RALGAPB: variants seen among roughly 807,000 people sequenced by gnomAD.
RALGAPB encodes Ral GTPase activating protein non-catalytic subunit beta.
A neutral mutation model predicts 161.1 loss-of-function variants in RALGAPB; 25 were observed. The ratio of observed to expected loss-of-function variants is 0.16; its 90% CI spans 0.11 to 0.22. The LOEUF is 0.22. Ranked by LOEUF, RALGAPB falls within the 10% of genes least tolerant of loss-of-function variation. The probability of loss-of-function intolerance (pLI) is 1.00; values close to 1 mark genes in which losing one functional copy is unlikely to be tolerated. For synonymous variants in RALGAPB, 629 were observed against 626.1 expected (o/e 1.00, Z -0.07); for missense variants, 1,391 against 1,815.2 (o/e 0.77, Z 4.25).
chr20:38,502,170 T>G (rs2085615349), intron 5 of RALGAPB, among the ~76,000 whole-genome samples: 1 of 152,222 alleles, frequency 6.6e-6, no homozygotes, highest in African/African-American at 2.4e-5. Flanking sequence ...TTCCTGTTGC[T>G]ATTGCAATGA....
rs2088504372 is a variant in RALGAPB, at chr20:38,578,089, G to A, written c.*3122G>A. 6.6e-6 allele frequency: 1 copy of A among 152,158 alleles called. No homozygotes were observed. The highest frequency in any genetic ancestry group is 1.5e-5 in the Non-Finnish European group (1 of 68,026). The allele number at this position is 152,158 out of a possible 1,614,324, so 9.4% of individuals were successfully genotyped here. ...AATAATAAAAAAAGAAACATGTATT[G>A]GAGGTAATTTGACACTGCTGCTGGC... On this transcript the variant is annotated 3_prime_UTR_variant, in exon 30 of 30. Coordinates refer to ENST00000262879, the MANE Select transcript of RALGAPB (RefSeq NM_020336.4).
At chr20:38,533,787 A>G (rs924489453) in intron 15 of RALGAPB, among the ~76,000 whole-genome samples, 1 of 152,198 alleles carries the variant, frequency 6.6e-6, no homozygotes, top group Non-Finnish European at 1.5e-5. Flanking sequence ...AGATTTAGGT[A>G]TTCTATAGGT....
chr20:38,503,459 C>T (rs552699604), intron 5 of RALGAPB, among the ~76,000 whole-genome samples: 6 of 152,076 alleles, frequency 3.9e-5, no homozygotes, highest in Non-Finnish European at 8.8e-5. Context: ...GAAGTCACTG[C>T]AGATGAGGTG....
intron 14 of RALGAPB, among the ~76,000 whole-genome samples, chr20:38,532,389 C>T (rs376729089): frequency 5.3e-5 from 8 of 152,060 alleles, no homozygotes; most frequent in Admixed American, 3.3e-4. Context: ...TATTTCTGTT[C>T]TGAGGTTTTG....
rs187448653 is a variant in RALGAPB at position 38,477,570 on chromosome 20, C to G, written c.-31+4501C>G. Reference sequence around the variant, plus strand: ...CCTTATGGGGTCAATGGGACTGCAACAGCAATATGAATCATGAGGTTATAT... The same window carrying G: ...CCTTATGGGGTCAATGGGACTGCAAGAGCAATATGAATCATGAGGTTATAT... On this transcript the variant is annotated intron_variant, in intron 1 of 29. Coordinates refer to ENST00000262879, the MANE Select transcript of RALGAPB (RefSeq NM_020336.4). 3.9e-5 allele frequency among the ~76,000 whole-genome samples: 6 copies of G among 152,150 alleles called. No individual in the cohort carries two copies. The East Asian group carries it at 1.2e-3, about 29-fold the overall frequency.
At chr20:38,528,046 C>A (rs576808248) in intron 13 of RALGAPB, among the ~76,000 whole-genome samples, 2 of 152,172 alleles carry the variant, frequency 1.3e-5, no homozygotes, top group African/African-American at 4.8e-5. Flanking sequence ...AAGCCCCAGA[C>A]TGTGTGGCTT....
In RALGAPB at chr20:38,516,173, C is replaced by A. The variant is rs769519616; in HGVS notation, c.873-19C>A. The stretch of plus-strand genomic sequence containing the variant: ...GAAATTTCTAAATTTGTGATTAATT[C>A]TTTCCTCTCTTTTAATAGTAATCCT... On this transcript the variant is annotated intron_variant, in intron 6 of 29. Transcript: ENST00000262879. 3.7e-5 allele frequency: 57 copies of A among 1,530,226 alleles called. No homozygotes were observed. Among genetic ancestry groups the A allele is most frequent in the Non-Finnish European group, 1.9e-5 (21 of 1,127,184 alleles). The allele number at this position is 1,530,226 out of a possible 1,614,324, so 94.8% of individuals were successfully genotyped here.
intron 9 of RALGAPB, among the ~76,000 whole-genome samples, chr20:38,518,674 G>T (rs2086203521): frequency 6.6e-6 from 1 of 152,066 alleles, no homozygotes; most frequent in African/African-American, 2.4e-5. Flanking sequence ...GATGGGTGGG[G>T]TAGGGCACAA....
intron 19 of RALGAPB, among the ~76,000 whole-genome samples, chr20:38,548,277 T>G (rs2087242081): frequency 1.3e-5 from 2 of 152,184 alleles, no homozygotes; most frequent in African/African-American, 2.4e-5. Context: ...CAGTCTGTCT[T>G]TCTACACTTA....
intron 1 of RALGAPB, among the ~76,000 whole-genome samples, chr20:38,475,399 A>G (rs2084774917): frequency 6.6e-6 from 1 of 152,190 alleles, no homozygotes; most frequent in Non-Finnish European, 1.5e-5. Context: ...CCCATTTGCC[A>G]TATTTACAAG....
chr20:38,530,797 A>T (rs1163654919), intron 13 of RALGAPB, among the ~76,000 whole-genome samples: 1 of 150,784 alleles, frequency 6.6e-6, no homozygotes, highest in African/African-American at 2.4e-5. Context: ...GGGTTTCACC[A>T]TGTTGACCAG....
In RALGAPB at chr20:38,560,604, T is replaced by G. The variant is rs567077364; in HGVS notation, c.3532-1928T>G. Among the ~76,000 whole-genome samples, 5 of 152,306 alleles carry G rather than the reference T, an allele frequency of 3.3e-5. No individual in the cohort carries two copies. In the South Asian group the frequency reaches 1.0e-3, roughly 32 times the overall value. ...TGGATTAATTATGGAGGTGGGGATC[T>G]GTTTTGCAGCAAATCAGTGCATTGT... On this transcript the variant is annotated intron_variant, in intron 23 of 29. Coordinates refer to ENST00000262879, the MANE Select transcript of RALGAPB (RefSeq NM_020336.4).
intron 22 of RALGAPB, 71 bp downstream of exon 22, chr20:38,554,147 T>C (rs765438158): frequency 4.3e-5 from 59 of 1,373,120 alleles, no homozygotes; most frequent in Non-Finnish European, 5.6e-5. Flanking sequence ...GCTAAAATAT[T>C]TTTATCAGGA....
chr20:38,515,534 C>G (rs2086099022), intron 6 of RALGAPB, among the ~76,000 whole-genome samples: 1 of 152,026 alleles, frequency 6.6e-6, no homozygotes, highest in South Asian at 2.1e-4. Context: ...GTAATTCAAA[C>G]ACAAATACAC....
chr20:38,497,618 T>C (rs1327800159), intron 4 of RALGAPB, 102 bp downstream of exon 4: 1 of 1,288,226 alleles, frequency 7.8e-7, no homozygotes, highest in Non-Finnish European at 1.1e-6. Flanking sequence ...AATTTTGGCA[T>C]GATGGTTTAC....
In RALGAPB at chr20:38,520,524, C is replaced by CTTTT. The variant is rs775371608; in HGVS notation, c.1418-954_1418-951dup. On this transcript the variant is annotated intron_variant, in intron 9 of 29. Coordinates refer to ENST00000262879, the MANE Select transcript of RALGAPB (RefSeq NM_020336.4). Reference sequence around the variant, plus strand: ...GGACTTTGCACTAACTGTGTTTTGGCTTTTTTTTTTTTTTTTTTTTTTAAA... The same window carrying CTTTT: ...GGACTTTGCACTAACTGTGTTTTGGCTTTTTTTTTTTTTTTTTTTTTTTTTTAAA... 2.3e-3 allele frequency among the ~76,000 whole-genome samples: 159 copies of CTTTT among 70,274 alleles called. 1 individual carries two copies. Among genetic ancestry groups the CTTTT allele is most frequent in the African/African-American group, 6.3e-3 (109 of 17,364 alleles). The allele number at this position is 70,274 out of a possible 152,430, so 46.1% of individuals were successfully genotyped here. A position where few individuals can be genotyped will look rare whatever the true frequency, so the allele number is the denominator to read the frequency against.
chr20:38,497,697 A>G (rs894126773), intron 4 of RALGAPB, among the ~76,000 whole-genome samples, 181 bp downstream of exon 4: 8 of 152,144 alleles, frequency 5.3e-5, no homozygotes, highest in Non-Finnish European at 1.2e-4. Context: ...TGATGAAGTT[A>G]TTTTACCTTC....
chr20:38,491,719 A>G (rs1264229183), intron 2 of RALGAPB, among the ~76,000 whole-genome samples: 4 of 152,156 alleles, frequency 2.6e-5, no homozygotes, highest in Non-Finnish European at 4.4e-5. Flanking sequence ...TACAGTAAGG[A>G]TAGTTTACCC....
intron 6 of RALGAPB, among the ~76,000 whole-genome samples, chr20:38,510,896 C>T (rs955043395): frequency 3.5e-5 from 4 of 114,794 alleles, no homozygotes; most frequent in Non-Finnish European, 6.2e-5. Flanking sequence ...GGCGACAGAG[C>T]GAGACTCCGT....
Sources: allele counts gnomAD v4.1 joint callset (sites outside exome capture counted in the v4.1 genomes callset), GRCh38; gene constraint gnomAD v4.1.1; transcripts MANE v1.5; gene names NCBI Gene and HGNC (gene_info 2026-07-23, HGNC 2026-07-21).